VPS54: variants seen among roughly 807,000 people sequenced by gnomAD.
VPS54 encodes the protein vacuolar protein sorting-associated protein 54.
In VPS54, 45 loss-of-function variants were observed where a neutral mutation model predicts 121.5. The observed-to-expected ratio is 0.37, with a 90% CI of 0.29 to 0.47. The LOEUF (loss-of-function observed/expected upper bound fraction) is 0.47, where lower values mean the gene tolerates loss of function less well. Among genes scored for constraint, VPS54 ranks in the 20% least tolerant of loss-of-function variants. VPS54 has a pLI of 0.99. For synonymous variants in VPS54, 371 were observed against 385.8 expected (o/e 0.96, Z 0.45); for missense variants, 1,090 against 1,131.4 (o/e 0.96, Z 0.52).
At chr2:63,966,594 A>C (rs1676013658) in intron 5 of VPS54, among the ~76,000 whole-genome samples, 1 of 152,204 alleles carries the variant, frequency 6.6e-6, no homozygotes, top group African/African-American at 2.4e-5. Flanking sequence ...ATCCTTCCCT[A>C]ATCTATCCCC....
intron 1 of VPS54, among the ~76,000 whole-genome samples, chr2:63,987,031 C>A (rs1044939751): frequency 2.6e-5 from 4 of 152,180 alleles, no homozygotes; most frequent in Non-Finnish European, 5.9e-5. Flanking sequence ...TGTCTCCTCA[C>A]TTTGTTGTTT....
rs376132358 is a variant in VPS54 at position 63,921,185 on chromosome 2, A to C, written c.1869+21T>G. On this transcript the variant is annotated intron_variant, in intron 13 of 22. Coordinates refer to ENST00000272322, the MANE Select transcript of VPS54 (RefSeq NM_016516.3). ...AAAATTATTACGTATAAAATATATA[A>C]AGCTTTATGAAAATAGCTACCTTTG... The C allele has an allele frequency of 1.9e-6, 3 of 1,598,638 alleles. No homozygotes were observed. In the African/African-American group the frequency reaches 4.0e-5, roughly 22 times the overall value.
intron 3 of VPS54, chr2:63,975,719 G>A (rs896759109): frequency 3.3e-5 from 5 of 152,152 alleles, no homozygotes; most frequent in Non-Finnish European, 7.3e-5. Flanking sequence ...TCTGATCCTC[G>A]AATGCTCGGG....
chr2:63,961,558 A>G (rs1246803447), intron 7 of VPS54, among the ~76,000 whole-genome samples: 1 of 152,226 alleles, frequency 6.6e-6, no homozygotes, highest in Admixed American at 6.5e-5. Context: ...AAATATTTAA[A>G]ACCTAAGGTA....
intron 10 of VPS54, among the ~76,000 whole-genome samples, chr2:63,943,727 C>CTTTTTTTT (rs1553476083): frequency 1.5e-5 from 2 of 129,606 alleles, no homozygotes; most frequent in Non-Finnish European, 3.2e-5. Flanking sequence ...TTCTTTCTTT[C>CTTTTTTTT]TTTTTTTTTT....
chr2:63,925,099 A>G (rs553261805), intron 12 of VPS54, among the ~76,000 whole-genome samples: 132 of 152,348 alleles, frequency 8.7e-4, no homozygotes, highest in African/African-American at 1.2e-3. Context: ...AAAAAACCCA[A>G]TAAGAGTGAA....
chr2:63,961,299 T>G (rs927733375), intron 7 of VPS54, among the ~76,000 whole-genome samples: 3 of 152,184 alleles, frequency 2.0e-5, no homozygotes, highest in South Asian at 2.1e-4. Flanking sequence ...TCCAATTACA[T>G]ATCTTCAGTC....
At chr2:63,931,246 G>T (rs535498497) in intron 12 of VPS54, among the ~76,000 whole-genome samples, 40 of 151,990 alleles carry the variant, frequency 2.6e-4, no homozygotes, top group Admixed American at 1.7e-3. Flanking sequence ...GCTACCTGAC[G>T]TCAAACTATA....
chr2:63,920,752 G>C (rs917298544), intron 13 of VPS54, 125 bp from the exon 14 acceptor site: 21 of 515,568 alleles, frequency 4.1e-5, no homozygotes, highest in African/African-American at 4.0e-4. Context: ...CAATACTTCA[G>C]ACCCAGAAAT....
At chr2:64,018,107 T>C (rs1407512468) in intron 1 of VPS54, among the ~76,000 whole-genome samples, 1 of 152,202 alleles carries the variant, frequency 6.6e-6, no homozygotes, top group Non-Finnish European at 1.5e-5. Flanking sequence ...TATCACGGTA[T>C]TACTTAAAGG....
chr2:63,919,432 C>A (rs903014795), intron 15 of VPS54, among the ~76,000 whole-genome samples: 2 of 152,200 alleles, frequency 1.3e-5, no homozygotes, highest in East Asian at 3.9e-4. Context: ...CAATATAGGA[C>A]ACAAAGTAGA....
At chr2:64,009,030 G>C (rs1678303054) in intron 1 of VPS54, among the ~76,000 whole-genome samples, 1 of 152,186 alleles carries the variant, frequency 6.6e-6, no homozygotes, top group South Asian at 2.1e-4. Flanking sequence ...ACTGTGAAGA[G>C]GGAATCTGAA....
chr2:63,895,112 G>A (rs1257211464), intron 22 of VPS54, among the ~76,000 whole-genome samples: 2 of 151,060 alleles, frequency 1.3e-5, no homozygotes, highest in Non-Finnish European at 2.9e-5. Flanking sequence ...ATTATTCTCT[G>A]TATGTGTCTA....
chr2:64,019,205 CA>C lies in VPS54; in HGVS notation c.-289del, dbSNP rs1242834134. The C allele has an allele frequency of 6.6e-6, 1 of 151,266 alleles. No individual in the cohort carries two copies. The highest frequency in any genetic ancestry group is 1.5e-5 in the Non-Finnish European group (1 of 67,868). The allele number at this position is 151,266 out of a possible 1,614,324, so 9.4% of individuals were successfully genotyped here. A position where few individuals can be genotyped will look rare whatever the true frequency, so the allele number is the denominator to read the frequency against. ...CTCTCCCGGGTGTCCTGTCAGCCAG[CA>C]GTTTCCCCCGGGTCCGCAGCGCCGC... is the stretch of plus-strand genomic sequence containing the variant. On this transcript the variant is annotated 5_prime_UTR_variant, in exon 1 of 23. It introduces an in-frame stop codon into an upstream open reading frame of the 5' UTR. Transcript: ENST00000272322.
At chr2:63,926,759 T>G (rs1216867061) in intron 12 of VPS54, among the ~76,000 whole-genome samples, 1 of 152,124 alleles carries the variant, frequency 6.6e-6, no homozygotes, top group Non-Finnish European at 1.5e-5. Context: ...TAACTGCACC[T>G]GGAGAAGTGG....
intron 7 of VPS54, among the ~76,000 whole-genome samples, chr2:63,952,236 G>A (rs1675286513): frequency 6.6e-6 from 1 of 152,128 alleles, no homozygotes; most frequent in African/African-American, 2.4e-5. Context: ...AGGGATTTCT[G>A]CCATACTTTC....
intron 9 of VPS54, among the ~76,000 whole-genome samples, chr2:63,945,375 C>T (rs570546526): frequency 2.6e-4 from 40 of 152,200 alleles, no homozygotes; most frequent in East Asian, 5.8e-4. Context: ...GAACACCACA[C>T]GGTGGAGACT....
chr2:63,945,299 C>G (rs1440708087), intron 9 of VPS54, among the ~76,000 whole-genome samples: 3 of 152,132 alleles, frequency 2.0e-5, no homozygotes, highest in Non-Finnish European at 4.4e-5. Context: ...AACTGAAAAC[C>G]AAATACTGCA....
At chr2:64,001,395 G>C (rs1162739595) in intron 1 of VPS54, among the ~76,000 whole-genome samples, 1 of 152,164 alleles carries the variant, frequency 6.6e-6, no homozygotes, top group Non-Finnish European at 1.5e-5. Context: ...TAAGATACAA[G>C]ACAAAGTCCC....
Sources: allele counts gnomAD v4.1 joint callset (sites outside exome capture counted in the v4.1 genomes callset), GRCh38; gene constraint gnomAD v4.1.1; transcripts MANE v1.5; gene names NCBI Gene and HGNC (gene_info 2026-07-23, HGNC 2026-07-21).